RYR3: variants seen among roughly 807,000 people sequenced by gnomAD.
RYR3 encodes brain ryanodine receptor-calcium release channel.
In RYR3, 207 loss-of-function variants were observed where a neutral mutation model predicts 584.3. The ratio of observed to expected loss-of-function variants is 0.35; its 90% CI spans 0.32 to 0.40. The LOEUF (loss-of-function observed/expected upper bound fraction) is 0.40, where lower values mean the gene tolerates loss of function less well. RYR3 is among the 10% of genes least tolerant of loss of function. The probability of loss-of-function intolerance (pLI) is 1.00; values close to 1 mark genes in which losing one functional copy is unlikely to be tolerated. For missense variants in RYR3, 5,616 were observed against 6,089.2 expected (o/e 0.92, Z 2.59); for synonymous variants, 2,416 against 2,248.5 (o/e 1.07, Z -2.11).
chr15:33,831,253 A>G (rs1282839830), intron 86 of RYR3, among the ~76,000 whole-genome samples, 162 bp downstream of exon 86: 3 of 152,266 alleles, frequency 2.0e-5, no homozygotes, highest in Non-Finnish European at 2.9e-5. Flanking sequence ...TAGTACCTGC[A>G]TTCCACAAGC....
At chr15:33,382,548 C>G (rs1232541846) in intron 1 of RYR3, among the ~76,000 whole-genome samples, 1 of 151,978 alleles carries the variant, frequency 6.6e-6, no homozygotes, top group African/African-American at 2.4e-5. Context: ...CTCTCAAACT[C>G]CTGACCTTAG....
intron 10 of RYR3, among the ~76,000 whole-genome samples, chr15:33,555,632 A>G (rs1435097): frequency 0.87 from 132,366 of 152,184 alleles, 58,233 homozygotes; most frequent in Middle Eastern, 0.98. Flanking sequence ...AAAAAAAAGT[A>G]TGTCTTGAAT....
At chr15:33,851,605 C>G (rs2079119045) in intron 94 of RYR3, 1 of 152,138 alleles carries the variant, frequency 6.6e-6, no homozygotes, top group African/African-American at 2.4e-5. Flanking sequence ...AGTCAGGGGA[C>G]AAGAAATTCA....
chr15:33,347,889 T>C (rs554453762), intron 1 of RYR3, among the ~76,000 whole-genome samples: 12 of 152,256 alleles, frequency 7.9e-5, no homozygotes, highest in South Asian at 2.1e-4. Flanking sequence ...GTTCCTTTCA[T>C]TGGAGAGTGA....
At chr15:33,859,796 C>G in intron 100 of RYR3, 65 bp downstream of exon 100, 1 of 1,482,316 alleles carries the variant, frequency 6.7e-7, no homozygotes, top group Non-Finnish European at 9.1e-7. Flanking sequence ...TTTCTTCCAT[C>G]TATGACTTAA....
At chr15:33,545,564 G>T (rs974645267) in intron 8 of RYR3, among the ~76,000 whole-genome samples, 8 of 152,142 alleles carry the variant, frequency 5.3e-5, no homozygotes, top group Admixed American at 5.2e-4. Flanking sequence ...TGAGACTGGG[G>T]TAAGTGAGCA....
At chr15:33,600,241 G>A (rs17236252) in intron 16 of RYR3, among the ~76,000 whole-genome samples, 1,837 of 152,212 alleles carry the variant, frequency 0.012, 30 homozygotes, top group Admixed American at 0.045. Flanking sequence ...TGGTTTGTGA[G>A]AATTATGGAT....
At chr15:33,421,193 A>G (rs1475466510) in intron 1 of RYR3, among the ~76,000 whole-genome samples, 2 of 152,208 alleles carry the variant, frequency 1.3e-5, no homozygotes, top group East Asian at 1.9e-4. Context: ...AAAGGGGTGC[A>G]TAAGGAGACC....
At chr15:33,711,536 C>T (rs1039823522) in intron 43 of RYR3, among the ~76,000 whole-genome samples, 8 of 152,304 alleles carry the variant, frequency 5.3e-5, no homozygotes, top group African/African-American at 1.2e-4. Context: ...AGCCACCGCA[C>T]CCGGCTACCA....
At chr15:33,709,470 TA>T in intron 43 of RYR3, among the ~76,000 whole-genome samples, 1 of 152,216 alleles carries the variant, frequency 6.6e-6, no homozygotes, top group Non-Finnish European at 1.5e-5. Flanking sequence ...ATGTGTCCCC[TA>T]AAAAGCATGT....
At chr15:33,439,341 A>G (rs1193412414) in intron 1 of RYR3, among the ~76,000 whole-genome samples, 1 of 152,162 alleles carries the variant, frequency 6.6e-6, no homozygotes, top group Non-Finnish European at 1.5e-5. Flanking sequence ...GATTTGTTTT[A>G]ATTTTTAAAG....
intron 38 of RYR3, among the ~76,000 whole-genome samples, chr15:33,671,082 C>G (rs75847749): frequency 1.1e-4 from 16 of 152,220 alleles, no homozygotes; most frequent in Admixed American, 2.6e-4. Context: ...TATTTTTCAA[C>G]AATGCCGAGC....
At chr15:33,672,029 G>A (rs944423948) in intron 38 of RYR3, among the ~76,000 whole-genome samples, 5 of 151,838 alleles carry the variant, frequency 3.3e-5, no homozygotes, top group Non-Finnish European at 7.4e-5. Context: ...GGCCAGGTTG[G>A]TCTCGAACTT....
chr15:33,838,563 C>T lies in RYR3; in HGVS notation c.12583C>T (p.Leu4195=), dbSNP rs1231453709. ...CTTTTTCTGGATGCTGTTCGTGGGG[C>T]TATTCCAGTTGCTCTTCACCATCCT... The part of the protein sequence containing the change: ...FSFFWMLFVG[L]FQLLFTILGG... Residue 4195 remains leucine (L), a synonymous_variant, in exon 89 of 104, where the codon CTA becomes TTA. Coordinates refer to ENST00000634891, the MANE Select transcript of RYR3 (RefSeq NM_001036.6). 5 of 1,613,940 alleles carry T rather than the reference C, an allele frequency of 3.1e-6. 1 individual carries two copies. In the Admixed American group the frequency reaches 8.3e-5, roughly 27 times the overall value.
intron 65 of RYR3, among the ~76,000 whole-genome samples, chr15:33,784,239 G>T (rs1270273548): frequency 6.6e-6 from 1 of 152,214 alleles, no homozygotes; most frequent in Non-Finnish European, 1.5e-5. Context: ...AACCATGAGA[G>T]AAATTGAGAC....
chr15:33,647,364 C>A (rs577095852), intron 29 of RYR3, 60 bp from the exon 30 acceptor site: 3 of 1,384,216 alleles, frequency 2.2e-6, no homozygotes, highest in Non-Finnish European at 3.1e-6. Flanking sequence ...AGTTGCCTGT[C>A]GGAACTGTGG....
chr15:33,798,962 G>A (rs1276111931), intron 67 of RYR3, among the ~76,000 whole-genome samples: 3 of 152,172 alleles, frequency 2.0e-5, no homozygotes, highest in African/African-American at 4.8e-5. Flanking sequence ...TCATTCTGAT[G>A]TCCTAGGGCT....
chr15:33,496,710 A>G (rs1342219419), intron 2 of RYR3, among the ~76,000 whole-genome samples: 1 of 152,122 alleles, frequency 6.6e-6, no homozygotes, highest in Non-Finnish European at 1.5e-5. Flanking sequence ...AGATCTTACT[A>G]TGTGCAGGAA....
chr15:33,848,380 T>G lies in RYR3; in HGVS notation c.13587T>G (p.Asp4529Glu). 1 of 1,613,628 alleles carries G rather than the reference T, an allele frequency of 6.2e-7. No homozygotes were observed. Among genetic ancestry groups the G allele is most frequent in the South Asian group, 1.1e-5 (1 of 91,068 alleles). The change falls in exon 94 of 104, where the codon GAT becomes GAG. Residue 4529 changes from aspartate (D) to glutamate (E), a missense_variant. Coordinates refer to ENST00000634891, the MANE Select transcript of RYR3 (RefSeq NM_001036.6). ...ATATCACCGAACAGCCATCTGAAGA[T>G]GACATCAAGGGGCAGTGGGACCGCT... ...GLYITEQPSEDDIKGQWDRLV... is the reference protein window; with the variant it reads ...GLYITEQPSEEDIKGQWDRLV...
Sources: gnomAD v4.1 joint callset for allele counts (sites outside exome capture counted in the v4.1 genomes callset) on GRCh38, gnomAD v4.1.1 for gene constraint, MANE v1.5 for transcripts, NCBI Gene and HGNC (gene_info 2026-07-23, HGNC 2026-07-21) for gene names.